The following IPO9 variants were observed in gnomAD, a reference collection of about 807,000 sequenced individuals.
IPO9 encodes importin 9.
IPO9 carries 28 observed loss-of-function variants against 128.6 expected under a neutral mutation model. The observed-to-expected ratio is 0.22, with a 90% confidence interval of 0.16 to 0.30. The LOEUF is 0.30. Among genes scored for constraint, IPO9 ranks in the 10% least tolerant of loss-of-function variants. IPO9 has a pLI of 1.00. For missense variants in IPO9, 935 were observed against 1,293.9 expected, an observed-to-expected ratio of 0.72 and a Z score of 4.26; for synonymous variants, 455 against 475.8, an observed-to-expected ratio of 0.96 and a Z score of 0.57.
chr1:201,846,306 G>A (rs1018683683), intron 1 of IPO9, among the ~76,000 whole-genome samples: 9 of 152,146 alleles, frequency 5.9e-5, no homozygotes, highest in Non-Finnish European at 1.3e-4. Context: ...TGGACAACTC[G>A]TGAAATCTCA....
At chr1:201,869,788 A>G (rs1312010723) in intron 17 of IPO9, 70 bp downstream of exon 17, 3 of 1,510,004 alleles carry the variant, frequency 2.0e-6, no homozygotes, top group South Asian at 1.3e-5. Flanking sequence ...ATGCTGAGAA[A>G]TCTGACATGG....
At chr1:201,866,582 T>G (rs1226702519) in intron 14 of IPO9, 151 bp from the exon 15 acceptor site, 2 of 601,612 alleles carry the variant, frequency 3.3e-6, no homozygotes, top group East Asian at 5.6e-5. Context: ...GATGTTTATA[T>G]AATACATCCA....
intron 13 of IPO9, among the ~76,000 whole-genome samples, chr1:201,860,164 A>G (rs1680417514): frequency 6.6e-6 from 1 of 152,074 alleles, no homozygotes; most frequent in African/African-American, 2.4e-5. Context: ...AACCTTTGGT[A>G]TTGTTTGCTC....
chr1:201,842,071 G>GATTGAAA lies in IPO9; in HGVS notation c.164-5207_164-5201dup, dbSNP rs1680045238. 2.0e-5 allele frequency among the ~76,000 whole-genome samples: 3 copies of GATTGAAA among 152,134 alleles called. No homozygotes were observed. In the South Asian group the frequency reaches 6.2e-4, roughly 32 times the overall value. ...CCTGGAGATAGCATCAGATCCTACA[G>GATTGAAA]ATTGAAAGCTCAGTCCCCAAAACTG... is the stretch of plus-strand genomic sequence containing the variant. On this transcript the variant is annotated intron_variant, in intron 1 of 23. Transcript: ENST00000361565.
At chr1:201,840,447 A>T (rs557388024) in intron 1 of IPO9, among the ~76,000 whole-genome samples, 11 of 152,326 alleles carry the variant, frequency 7.2e-5, no homozygotes, top group Admixed American at 6.5e-4. Flanking sequence ...GTAGGAGTAC[A>T]AATTGGTGCA....
At chr1:201,838,637 T>G (rs1398068064) in intron 1 of IPO9, among the ~76,000 whole-genome samples, 1 of 152,186 alleles carries the variant, frequency 6.6e-6, no homozygotes, top group African/African-American at 2.4e-5. Flanking sequence ...AGAATGTGGC[T>G]TCTTCTGTGG....
intron 13 of IPO9, among the ~76,000 whole-genome samples, chr1:201,862,994 G>A (rs893820693): frequency 3.3e-5 from 5 of 152,044 alleles, no homozygotes; most frequent in Non-Finnish European, 7.4e-5. Context: ...ATCATACAAG[G>A]TTATGCTTTT....
intron 1 of IPO9, among the ~76,000 whole-genome samples, chr1:201,839,509 C>T (rs919000010): frequency 5.6e-5 from 8 of 142,146 alleles, no homozygotes; most frequent in African/African-American, 2.1e-4. Flanking sequence ...TGCAGTGATC[C>T]GAGATCATGA....
In IPO9 at chr1:201,863,550, G is replaced by T; in HGVS notation, c.1571G>T (p.Gly524Val). ...CAGTTCCTACAGGCAACAGTTAGTG[G>T]TCTTCACGAGACACAGCCCCCATCA... ...IQQFLQATVSGLHETQPPSVR... is the reference protein window; with the variant it reads ...IQQFLQATVSVLHETQPPSVR... Residue 524 changes from glycine to valine, a missense_variant, in exon 14 of 24, where the codon GGT becomes GTT. Gly to Val is a moderately radical substitution (Grantham distance 109). Transcript: ENST00000361565. The T allele has an allele frequency of 1.2e-6, 2 of 1,606,474 alleles. No individual in the cohort carries two copies. The highest frequency in any genetic ancestry group is 1.7e-6 in the Non-Finnish European group (2 of 1,173,780).
At chr1:201,862,183 C>T (rs1252602794) in intron 13 of IPO9, among the ~76,000 whole-genome samples, 9 of 152,134 alleles carry the variant, frequency 5.9e-5, no homozygotes, top group East Asian at 1.9e-4. Flanking sequence ...CAAGGCTGCA[C>T]GCGGTGGCTC....
At chr1:201,840,064 T>C (rs1245377909) in intron 1 of IPO9, among the ~76,000 whole-genome samples, 2 of 152,192 alleles carry the variant, frequency 1.3e-5, no homozygotes, top group Non-Finnish European at 2.9e-5. Context: ...ATTAACCATT[T>C]ATCACCTGTC....
chr1:201,853,052 T>C lies in IPO9; in HGVS notation c.645T>C (p.Phe215=). Residue 215 remains phenylalanine, a synonymous_variant, in exon 6 of 24, where the codon TTT becomes TTC. Coordinates refer to ENST00000361565, the MANE Select transcript of IPO9 (RefSeq NM_018085.5). ...IRTRSRAVEI[F]TTCAHMICNM... is the part of the protein sequence containing the mutation. ...CCCGTTCCCGAGCCGTGGAGATTTT[T>C]ACCACTTGTGCCCATATGATCTGTA... 6.2e-7 allele frequency: 1 copy of C among 1,614,186 alleles called. No homozygotes were observed. Among genetic ancestry groups the C allele is most frequent in the South Asian group, 1.1e-5 (1 of 91,080 alleles).
chr1:201,882,716 C>T lies in IPO9; in HGVS notation c.*6662C>T, dbSNP rs755786294. ...AGGAGGCCTAGAAGTCCCTCCCAGGCTTGAGTTGTTCTGACTTGGCATGAT... is the reference window on the plus strand; with the variant it reads ...AGGAGGCCTAGAAGTCCCTCCCAGGTTTGAGTTGTTCTGACTTGGCATGAT... On this transcript the variant is annotated 3_prime_UTR_variant, in exon 24 of 24. Coordinates refer to ENST00000361565, the MANE Select transcript of IPO9 (RefSeq NM_018085.5). 7 of 152,254 alleles carry T rather than the reference C, an allele frequency of 4.6e-5. No individual in the cohort carries two copies. Among genetic ancestry groups the T allele is most frequent in the Non-Finnish European group, 1.0e-4 (7 of 68,020 alleles). 9.4% of individuals were successfully genotyped at this position (152,254 alleles called of 1,614,324 possible).
chr1:201,836,971 G>C (rs1369014357), intron 1 of IPO9, among the ~76,000 whole-genome samples: 1 of 152,160 alleles, frequency 6.6e-6, no homozygotes, highest in East Asian at 1.9e-4. Flanking sequence ...CTGCTTTTGA[G>C]CAAATATATG....
At chr1:201,875,540 T>G (rs1279177581) in intron 23 of IPO9, among the ~76,000 whole-genome samples, 3 of 150,848 alleles carry the variant, frequency 2.0e-5, no homozygotes, top group Non-Finnish European at 4.4e-5. Context: ...CAGTGAGCTG[T>G]GATCATACCA....
chr1:201,869,575 T>C lies in IPO9; in HGVS notation c.2005-15T>C, dbSNP rs1680612178. 1 of 1,613,810 alleles carries C rather than the reference T, an allele frequency of 6.2e-7. No homozygotes were observed. Among genetic ancestry groups the C allele is most frequent in the Non-Finnish European group, 8.5e-7 (1 of 1,179,828 alleles). On this transcript the variant is annotated splice_polypyrimidine_tract_variant and intron_variant, in intron 16 of 23. Transcript: ENST00000361565. Reference sequence around the variant, plus strand: ...CAGAGGCAATTCTGACTTTTCTTTTTCTTCTCTCTTTCAGACAGCCATTGA... The same window carrying C: ...CAGAGGCAATTCTGACTTTTCTTTTCCTTCTCTCTTTCAGACAGCCATTGA...
intron 23 of IPO9, among the ~76,000 whole-genome samples, chr1:201,875,591 A>C (rs946627325): frequency 1.1e-4 from 10 of 87,164 alleles, no homozygotes; most frequent in Admixed American, 4.3e-4. Flanking sequence ...CCCTGTGTTC[A>C]AAAAAAAAAA....
At chr1:201,858,617 GGAT>G in intron 12 of IPO9, 64 bp downstream of exon 12, 1 of 999,170 alleles carries the variant, frequency 1.0e-6, no homozygotes, top group Non-Finnish European at 1.5e-6. Context: ...AGTCTTGAAA[GGAT>G]GGATTTATTT....
At chr1:201,854,737 A>G (rs750452337) in intron 7 of IPO9, 23 bp downstream of exon 7, 5 of 1,611,566 alleles carry the variant, frequency 3.1e-6, no homozygotes, top group Non-Finnish European at 4.2e-6. Flanking sequence ...TACCAATGAA[A>G]TATTTGGAGT....
Sources: allele counts gnomAD v4.1 joint callset (sites outside exome capture counted in the v4.1 genomes callset), GRCh38; gene constraint gnomAD v4.1.1; transcripts MANE v1.5; gene names NCBI Gene and HGNC (gene_info 2026-07-23, HGNC 2026-07-21).